RBFOX1: variants seen among roughly 807,000 people sequenced by gnomAD.
RBFOX1 encodes RNA binding fox-1 homolog 1.
RBFOX1 carries 8 observed loss-of-function variants against 57.7 expected under a neutral mutation model. The observed-to-expected ratio is 0.14, with a 90% CI of 0.08 to 0.25. The LOEUF (loss-of-function observed/expected upper bound fraction) is 0.25, where lower values mean the gene tolerates loss of function less well. Ranked by LOEUF, RBFOX1 falls within the 10% of genes least tolerant of loss-of-function variation. The pLI, the probability that RBFOX1 is intolerant of heterozygous loss-of-function variation, is 1.00. For synonymous variants in RBFOX1, 326 were observed against 222.4 expected, an observed-to-expected ratio of 1.47 and a Z score of -4.15; for missense variants, 611 against 548.5, an observed-to-expected ratio of 1.11 and a Z score of -1.14.
At chr16:5,492,476 T>A (rs936466577) in intron 2 of RBFOX1, among the ~76,000 whole-genome samples, 2 of 152,120 alleles carry the variant, frequency 1.3e-5, no homozygotes, top group Non-Finnish European at 2.9e-5. Context: ...GAATACAGGA[T>A]GTGTTTATCC....
At chr16:6,421,844 C>T (rs200764275) in intron 2 of RBFOX1, among the ~76,000 whole-genome samples, 3 of 148,148 alleles carry the variant, frequency 2.0e-5, no homozygotes, top group African/African-American at 7.9e-5. Flanking sequence ...AGACCTCCCC[C>T]CTCCTCAGTC....
At chr16:6,959,549 C>A (rs895462038) in intron 3 of RBFOX1, among the ~76,000 whole-genome samples, 1 of 152,070 alleles carries the variant, frequency 6.6e-6, no homozygotes, top group East Asian at 1.9e-4. Flanking sequence ...ACCCAGGTCT[C>A]AGTGAGTCTG....
At chr16:6,771,153 G>A (rs979087937) in intron 3 of RBFOX1, among the ~76,000 whole-genome samples, 1 of 152,082 alleles carries the variant, frequency 6.6e-6, no homozygotes, top group African/African-American at 2.4e-5. Flanking sequence ...CAACACAGAG[G>A]GGGAAGATGG....
At chr16:5,687,132 T>C (rs1567397501) in intron 3 of RBFOX1, among the ~76,000 whole-genome samples, 1 of 152,202 alleles carries the variant, frequency 6.6e-6, no homozygotes. Flanking sequence ...TCTACTCTTT[T>C]ATAGCAATGC....
At chr16:6,121,421 T>A (rs910300090) in intron 1 of RBFOX1, among the ~76,000 whole-genome samples, 20 of 152,208 alleles carry the variant, frequency 1.3e-4, no homozygotes, top group African/African-American at 4.8e-4. Flanking sequence ...GGGAAAGTGA[T>A]GATGCTTGAA....
intron 1 of RBFOX1, among the ~76,000 whole-genome samples, chr16:6,219,536 A>C (rs1219649309): frequency 6.6e-6 from 1 of 152,116 alleles, no homozygotes; most frequent in Non-Finnish European, 1.5e-5. Flanking sequence ...TATTGTATGG[A>C]GTGAACTCGG....
rs189581240 is a variant in RBFOX1, at chr16:7,294,011, T to A, written c.28-224136T>A. Among the ~76,000 whole-genome samples the A allele has an allele frequency of 2.8e-3, 428 of 152,222 alleles. 2 individuals carry two copies. Among genetic ancestry groups the A allele is most frequent in the African/African-American group, 9.7e-3 (402 of 41,508 alleles). ...TCATCTTGTACTTTAAAGATAAAAT[T>A]TCTGAGCATTTCTGGGGTCAAAGAA... is the stretch of plus-strand genomic sequence containing the variant. On this transcript the variant is annotated intron_variant, in intron 4 of 15. Transcript: ENST00000550418.
intron 4 of RBFOX1, among the ~76,000 whole-genome samples, chr16:7,385,298 G>C (rs958126232): frequency 6.6e-6 from 1 of 152,208 alleles, no homozygotes; most frequent in Non-Finnish European, 1.5e-5. Flanking sequence ...AGCTGTCTGG[G>C]AGTCCAGGCA....
chr16:5,583,219 A>G (rs2046731086), intron 2 of RBFOX1, among the ~76,000 whole-genome samples: 1 of 152,240 alleles, frequency 6.6e-6, no homozygotes, highest in Non-Finnish European at 1.5e-5. Context: ...CATGTTATTT[A>G]ACTGTTGTTA....
At chr16:6,700,278 G>A (rs1015982852) in intron 3 of RBFOX1, among the ~76,000 whole-genome samples, 35 of 152,098 alleles carry the variant, frequency 2.3e-4, no homozygotes, top group African/African-American at 8.4e-4. Flanking sequence ...CCCAAGGCTT[G>A]TTGAAATGAA....
At chr16:6,852,725 CTGG>C (rs1567561393) in intron 3 of RBFOX1, among the ~76,000 whole-genome samples, 2 of 151,012 alleles carry the variant, frequency 1.3e-5, no homozygotes, top group African/African-American at 2.4e-5. Flanking sequence ...GAGGCGTGGG[CTGG>C]GAACTAGCTG....
chr16:6,784,851 G>C (rs1050507775), intron 3 of RBFOX1, among the ~76,000 whole-genome samples: 3 of 152,048 alleles, frequency 2.0e-5, no homozygotes, highest in African/African-American at 7.2e-5. Flanking sequence ...ATGAGTAGAA[G>C]TTGAAAGAGT....
At chr16:6,830,439 C>T (rs1326452958) in intron 3 of RBFOX1, among the ~76,000 whole-genome samples, 3 of 152,034 alleles carry the variant, frequency 2.0e-5, no homozygotes, top group South Asian at 2.1e-4. Context: ...GTCACAGGGA[C>T]CGTAAGAGGA....
At chr16:6,455,286 A>G (rs1176188986) in intron 2 of RBFOX1, among the ~76,000 whole-genome samples, 2 of 152,142 alleles carry the variant, frequency 1.3e-5, no homozygotes, top group Admixed American at 1.3e-4. Flanking sequence ...AGAGACCTGA[A>G]CAACCTAACC....
intron 12 of RBFOX1, among the ~76,000 whole-genome samples, chr16:7,662,708 G>A (rs8062190): frequency 3.2e-4 from 49 of 152,332 alleles, no homozygotes; most frequent in African/African-American, 1.1e-3. Flanking sequence ...AAGTCACCCA[G>A]CTGCAGGTGG....
At position 5,594,969 on chromosome 16, in the gene RBFOX1, TAAAAA is replaced by T. The variant is rs34885484; in HGVS notation, c.259-3910_259-3906del. On this transcript the variant is annotated intron_variant, in intron 2 of 2. Transcript: ENST00000585867. ...CAACATGGTAAAACCCTGTCTCTAC[TAAAAA>T]AAAAAAAAAAAAAAAAAAAAAATTA... is the stretch of plus-strand genomic sequence containing the variant. Among the ~76,000 whole-genome samples the T allele has an allele frequency of 6.4e-4, 58 of 90,446 alleles. 1 individual carries two copies. Among genetic ancestry groups the T allele is most frequent in the South Asian group, 5.4e-3 (14 of 2,570 alleles). 59.3% of individuals were successfully genotyped at this position (90,446 alleles called of 152,430 possible). A position where few individuals can be genotyped will look rare whatever the true frequency, so the allele number is the denominator to read the frequency against.
chr16:5,257,858 G>A (rs2062628688), intron 1 of RBFOX1, among the ~76,000 whole-genome samples: 1 of 152,116 alleles, frequency 6.6e-6, no homozygotes, highest in Non-Finnish European at 1.5e-5. Flanking sequence ...GGGTGGGGGG[G>A]AAATGGGATC....
intron 4 of RBFOX1, among the ~76,000 whole-genome samples, chr16:7,199,897 A>AAAAAC (rs1275627811): frequency 6.7e-6 from 1 of 149,374 alleles, no homozygotes; most frequent in Non-Finnish European, 1.5e-5. Flanking sequence ...TCTATCTCAA[A>AAAAAC]AAAACAAAAC....
intron 4 of RBFOX1, among the ~76,000 whole-genome samples, chr16:5,950,116 C>A (rs1420437775): frequency 2.0e-5 from 3 of 152,220 alleles, no homozygotes; most frequent in Non-Finnish European, 4.4e-5. Context: ...AATGTAGAGA[C>A]GTTTCCACCT....
Sources: gnomAD v4.1 joint callset for allele counts (sites outside exome capture counted in the v4.1 genomes callset) on GRCh38, gnomAD v4.1.1 for gene constraint, MANE v1.5 for transcripts, NCBI Gene and HGNC (gene_info 2026-07-23, HGNC 2026-07-21) for gene names.